YY1: variants seen among roughly 807,000 people sequenced by gnomAD.
YY1 encodes transcriptional repressor protein YY1.
In YY1, 2 loss-of-function variants were observed where a neutral mutation model predicts 35.6. That is an observed-to-expected ratio of 0.06 (90% CI 0.02 to 0.18). YY1 has a LOEUF of 0.18. YY1 is among the 10% of genes least tolerant of loss of function. The pLI, the probability that YY1 is intolerant of heterozygous loss-of-function variation, is 1.00. For synonymous variants in YY1, 268 were observed against 238.9 expected (o/e 1.12, Z -1.12); for missense variants, 322 against 573.4 (o/e 0.56, Z 4.48).
At chr14:100,273,500 G>T (rs1429642493) in intron 2 of YY1, among the ~76,000 whole-genome samples, 1 of 151,916 alleles carries the variant, frequency 6.6e-6, no homozygotes, top group Non-Finnish European at 1.5e-5. Flanking sequence ...TTTTGATAGA[G>T]ACAGGGTTTT....
intron 1 of YY1, among the ~76,000 whole-genome samples, chr14:100,247,356 T>A (rs1052471587): frequency 1.1e-4 from 16 of 151,884 alleles, no homozygotes; most frequent in African/African-American, 3.6e-4. Context: ...ATAGGAAGAG[T>A]AAGCAAAAAT....
chr14:100,263,190 A>G (rs1173354919), intron 2 of YY1, among the ~76,000 whole-genome samples: 1 of 152,316 alleles, frequency 6.6e-6, no homozygotes, highest in African/African-American at 2.4e-5. Context: ...GGATACAGGC[A>G]TGAGCCACTG....
chr14:100,244,204 A>G (rs1226022703), intron 1 of YY1, among the ~76,000 whole-genome samples: 1 of 151,996 alleles, frequency 6.6e-6, no homozygotes, highest in Middle Eastern at 3.2e-3. Context: ...TTCCCACAGT[A>G]AGAGCACTCT....
At chr14:100,272,603 A>G (rs1231901161) in intron 2 of YY1, among the ~76,000 whole-genome samples, 1 of 151,324 alleles carries the variant, frequency 6.6e-6, no homozygotes, top group Non-Finnish European at 1.5e-5. Context: ...GTGGTGGTAA[A>G]TTAGCTCTTG....
chr14:100,274,774 G>A lies in YY1; in HGVS notation c.903+16G>A, dbSNP rs1416488245. ...CCCTCATAAAGTAAGTAATGCTAGA[G>A]GGAGAGTGTTCATTAAACTGTTGAT... On this transcript the variant is annotated intron_variant, in intron 3 of 4. Transcript: ENST00000262238. The A allele has an allele frequency of 6.2e-7, 1 of 1,610,936 alleles. No homozygotes were observed. Among genetic ancestry groups the A allele is most frequent in the South Asian group, 1.1e-5 (1 of 91,004 alleles).
At chr14:100,242,921 C>T (rs1237248274) in intron 1 of YY1, among the ~76,000 whole-genome samples, 2 of 152,012 alleles carry the variant, frequency 1.3e-5, no homozygotes, top group African/African-American at 4.8e-5. Flanking sequence ...GCTATAATGT[C>T]CATTTCTTTA....
At chr14:100,248,202 G>T (rs916688391) in intron 1 of YY1, among the ~76,000 whole-genome samples, 1 of 144,570 alleles carries the variant, frequency 6.9e-6, no homozygotes, top group Non-Finnish European at 1.5e-5. Flanking sequence ...TGCAAGCTCC[G>T]CTTCCCGGGT....
intron 1 of YY1, among the ~76,000 whole-genome samples, chr14:100,256,964 G>A (rs562771164): frequency 5.3e-5 from 8 of 152,000 alleles, no homozygotes; most frequent in East Asian, 1.9e-4. Context: ...TCTTGTCAGC[G>A]TCTACTTTAG....
rs1328626457 is a variant in YY1, at chr14:100,239,588, G to A, written c.344G>A (p.Gly115Asp). ...CAGACGCGCGAGGAGGTGGTGGGCG[G>A]CGACGACTCGGACGGGCTGCGCGCC... is the stretch of plus-strand genomic sequence containing the variant. ...LVQTREEVVG[G>D]DDSDGLRAED... The change falls in exon 1 of 5, where the codon GGC (glycine) becomes GAC (aspartate). Residue 115 changes from glycine (G) to aspartate (D), a missense_variant. Around this residue, in one of 4 missense-constraint regions of YY1, gnomAD observed 7 missense variants for 26.7 expected, o/e 0.26. Coordinates refer to ENST00000262238, the MANE Select transcript of YY1 (RefSeq NM_003403.5). 6.2e-7 allele frequency: 1 copy of A among 1,612,578 alleles called. No individual in the cohort carries two copies. Among genetic ancestry groups the A allele is most frequent in the Non-Finnish European group, 8.5e-7 (1 of 1,179,682 alleles).
chr14:100,275,445 G>A (rs546737207), intron 3 of YY1, among the ~76,000 whole-genome samples: 27 of 152,294 alleles, frequency 1.8e-4, no homozygotes, highest in South Asian at 1.0e-3. Flanking sequence ...CTTTGTCAGC[G>A]TTCTTGATGT....
rs1890682325 is a variant in YY1, at chr14:100,239,196, CAGCCGAGG to C, written c.-40_-33del. On this transcript the variant is annotated 5_prime_UTR_variant, in exon 1 of 5. Transcript: ENST00000262238. ...GGCCGCCTCCTCGCCCGCCCGCCCG[CAGCCGAGG>C]AGCCGAGGCCGCCGCGGCCGTGGCG... 5.1e-6 allele frequency: 7 copies of C among 1,383,124 alleles called. No individual in the cohort carries two copies. The highest frequency in any genetic ancestry group is 7.4e-5 in the Admixed American group (2 of 26,940). 85.7% of individuals were successfully genotyped at this position (1,383,124 alleles called of 1,614,324 possible). A position where few individuals can be genotyped will look rare whatever the true frequency, so the allele number is the denominator to read the frequency against.
chr14:100,274,921 A>G (rs1336558274), intron 3 of YY1, among the ~76,000 whole-genome samples, 163 bp downstream of exon 3: 6 of 152,178 alleles, frequency 3.9e-5, no homozygotes, highest in Non-Finnish European at 7.3e-5. Context: ...TATTTAGTAA[A>G]GGCAACTTTT....
At position 100,277,610 on chromosome 14, in the gene YY1, A is replaced by G; in HGVS notation, c.*10A>G. On this transcript the variant is annotated 3_prime_UTR_variant, in exon 5 of 5. Transcript: ENST00000262238. The surrounding 1 kb of genome is among the most constrained non-coding windows in gnomAD (Gnocchi z 5.6). ...CAAAAACAACCAGTGAAAAGAAGAGAGAAGACCCTTCTCGACCACGGGAAG... is the reference window on the plus strand; with the variant it reads ...CAAAAACAACCAGTGAAAAGAAGAGGGAAGACCCTTCTCGACCACGGGAAG... 8 of 1,614,084 alleles carry G rather than the reference A, an allele frequency of 5.0e-6. No homozygotes were observed. Among genetic ancestry groups the G allele is most frequent in the Non-Finnish European group, 6.8e-6 (8 of 1,179,926 alleles).
chr14:100,281,564 G>A lies in YY1; in HGVS notation c.*3964G>A, dbSNP rs1408387825. 6.6e-6 allele frequency: 1 copy of A among 152,204 alleles called. No individual in the cohort carries two copies. The highest frequency in any genetic ancestry group is 2.4e-5 in the African/African-American group (1 of 41,434). The allele number at this position is 152,204 out of a possible 1,614,324, so 9.4% of individuals were successfully genotyped here. ...CACCCGAACTTTTAACCCAAGCGGTGGGGAAGGAAGCCAAAACTCCAAGCT... is the reference window on the plus strand; with the variant it reads ...CACCCGAACTTTTAACCCAAGCGGTAGGGAAGGAAGCCAAAACTCCAAGCT... On this transcript the variant is annotated 3_prime_UTR_variant, in exon 5 of 5. Coordinates refer to ENST00000262238, the MANE Select transcript of YY1 (RefSeq NM_003403.5).
At chr14:100,250,470 C>T (rs924826372) in intron 1 of YY1, among the ~76,000 whole-genome samples, 9 of 152,036 alleles carry the variant, frequency 5.9e-5, no homozygotes, top group Admixed American at 3.3e-4. Context: ...GTAAATATCT[C>T]AGTTGGTGAA....
chr14:100,274,117 G>T (rs536625115), intron 2 of YY1, among the ~76,000 whole-genome samples: 1 of 152,200 alleles, frequency 6.6e-6, no homozygotes, highest in South Asian at 2.1e-4. Context: ...AGAGATATTT[G>T]ATATTTAATA....
At chr14:100,275,638 T>C (rs1289390240) in intron 3 of YY1, 1 of 152,342 alleles carries the variant, frequency 6.6e-6, no homozygotes, top group African/African-American at 2.4e-5. Context: ...ATACATTGTG[T>C]ACCAGTTAAA....
In YY1 at chr14:100,276,073, A is replaced by T; in HGVS notation, c.904-417A>T. On this transcript the variant is annotated intron_variant, in intron 3 of 4. Transcript: ENST00000262238. The surrounding 1 kb of genome is among the most constrained non-coding windows in gnomAD (Gnocchi z 4.1). ...GCAGCACAGAATATGGGGCCACCAA[A>T]GGTAGTGGTGGACTACCGTCATTTT... 3.5e-6 allele frequency: 1 copy of T among 282,486 alleles called. No homozygotes were observed. Among genetic ancestry groups the T allele is most frequent in the Non-Finnish European group, 6.9e-6 (1 of 145,734 alleles). 17.5% of individuals were successfully genotyped at this position (282,486 alleles called of 1,614,324 possible).
Position 100,262,048 on chromosome 14 carries a change from G to A in YY1, c.680-256G>A, listed in dbSNP as rs922955847. On this transcript the variant is annotated intron_variant, in intron 1 of 4. Transcript: ENST00000262238. ...GCCTGTAGTCCCAGCTACTCAGGAG[G>A]CTGAGGTGGGGGGATTGCTTGAGCC... 6.6e-5 allele frequency among the ~76,000 whole-genome samples: 10 copies of A among 152,118 alleles called. No individual in the cohort carries two copies. In the East Asian group the frequency reaches 1.9e-3, roughly 29 times the overall value.
Sources: allele counts gnomAD v4.1 joint callset (sites outside exome capture counted in the v4.1 genomes callset), GRCh38; gene constraint gnomAD v4.1.1; regional missense constraint gnomAD v4.1.1; non-coding constraint Gnocchi (gnomAD v3.1); transcripts MANE v1.5; gene names NCBI Gene and HGNC (gene_info 2026-07-23, HGNC 2026-07-21).